Variants in XKR9 observed in about 807,000 individuals in gnomAD.
The protein encoded by XKR9 is XK-related protein 9.
A neutral mutation model predicts 32.0 loss-of-function variants in XKR9; 32 were observed. That is an observed-to-expected ratio of 1.00 (90% CI 0.76 to 1.34). XKR9 has a LOEUF of 1.34. Ranked by LOEUF, XKR9 falls within the 40% of genes most tolerant of loss-of-function variation. The pLI is 0.00. For missense variants in XKR9, 546 were observed against 429.7 expected (o/e 1.27, Z -2.39); for synonymous variants, 168 against 143.4 (o/e 1.17, Z -1.22).
chr8:70,713,592 A>G (rs1393116046), intron 4 of XKR9, among the ~76,000 whole-genome samples: 1 of 152,196 alleles, frequency 6.6e-6, no homozygotes, highest in Non-Finnish European at 1.5e-5. Context: ...TATATGGGTG[A>G]TTCTAAATGA....
chr8:70,851,782 T>G, the XKR9 span, among the ~76,000 whole-genome samples: 3 of 152,198 alleles, frequency 2.0e-5, no homozygotes, highest in East Asian at 1.9e-4. Flanking sequence ...AAAAATTAAC[T>G]GAAGATGGAT....
chr8:70,944,746 A>G, the XKR9 span, among the ~76,000 whole-genome samples: 1 of 152,212 alleles, frequency 6.6e-6, no homozygotes. Flanking sequence ...GAGGAAAGAG[A>G]TTAGCAAAGC....
the XKR9 span, among the ~76,000 whole-genome samples, chr8:71,034,996 T>C: frequency 1.3e-5 from 2 of 152,222 alleles, no homozygotes; most frequent in Non-Finnish European, 2.9e-5. Context: ...TGTAATGTAT[T>C]ATATTTTAAA....
the XKR9 span, among the ~76,000 whole-genome samples, chr8:70,825,950 T>G: frequency 6.6e-6 from 1 of 152,116 alleles, no homozygotes; most frequent in African/African-American, 2.4e-5. Flanking sequence ...CAATTTCCTC[T>G]TTGCATCATG....
In XKR9 at chr8:70,734,647, G is replaced by GC. The variant is rs936294374; in HGVS notation, c.*225dup. The GC allele has an allele frequency of 2.7e-6, 1 of 364,462 alleles. No homozygotes were observed. The highest frequency in any genetic ancestry group is 2.2e-5 in the African/African-American group (1 of 46,284). 22.6% of individuals were successfully genotyped at this position (364,462 alleles called of 1,614,324 possible). A position where few individuals can be genotyped will look rare whatever the true frequency, so the allele number is the denominator to read the frequency against. On this transcript the variant is annotated 3_prime_UTR_variant, in exon 5 of 5. Transcript: ENST00000408926. ...TATCTTTCTACTGCCTGGTAGAGCTGCCATCTTGAGCCTGAAATATAAGAA... is the reference window on the plus strand; with the variant it reads ...TATCTTTCTACTGCCTGGTAGAGCTGCCCATCTTGAGCCTGAAATATAAGAA...
At chr8:71,046,279 C>T in the XKR9 span, among the ~76,000 whole-genome samples, 2 of 152,224 alleles carry the variant, frequency 1.3e-5, no homozygotes, top group East Asian at 3.9e-4. Flanking sequence ...TCCCAACAGC[C>T]GATATGAGCC....
chr8:71,035,739 A>G, the XKR9 span, among the ~76,000 whole-genome samples: 1 of 152,180 alleles, frequency 6.6e-6, no homozygotes. Flanking sequence ...GCTACCCCAA[A>G]TATGGAACCT....
At chr8:70,847,444 A>G in the XKR9 span, among the ~76,000 whole-genome samples, 1 of 151,998 alleles carries the variant, frequency 6.6e-6, no homozygotes, top group Non-Finnish European at 1.5e-5. Context: ...GCAAGAACAA[A>G]CCAAATCCCA....
At chr8:70,946,963 T>C in the XKR9 span, among the ~76,000 whole-genome samples, 3 of 152,260 alleles carry the variant, frequency 2.0e-5, no homozygotes, top group South Asian at 6.2e-4. Context: ...AATTGGAAGC[T>C]CATAGGCTCT....
At chr8:71,005,738 CT>C in the XKR9 span, among the ~76,000 whole-genome samples, 1 of 152,128 alleles carries the variant, frequency 6.6e-6, no homozygotes, top group Non-Finnish European at 1.5e-5. Context: ...GGAATTGATC[CT>C]CATTGTATGA....
the XKR9 span, among the ~76,000 whole-genome samples, chr8:70,960,762 C>T: frequency 6.6e-6 from 1 of 151,638 alleles, no homozygotes; most frequent in African/African-American, 2.4e-5. Context: ...GTCCCATCTA[C>T]TTGGGAGGCT....
chr8:70,832,173 C>T, the XKR9 span, among the ~76,000 whole-genome samples: 1 of 152,152 alleles, frequency 6.6e-6, no homozygotes, highest in Non-Finnish European at 1.5e-5. Context: ...CTTCTGTGAG[C>T]TCATTCTTAT....
chr8:70,786,139 A>G (rs1408366941), intron 2 of XKR9, among the ~76,000 whole-genome samples: 1 of 152,142 alleles, frequency 6.6e-6, no homozygotes, highest in Non-Finnish European at 1.5e-5. Context: ...TGGAAAAACT[A>G]CTTGATATAA....
chr8:70,708,907 T>G (rs1261612828), intron 4 of XKR9, among the ~76,000 whole-genome samples: 1 of 151,894 alleles, frequency 6.6e-6, no homozygotes, highest in Non-Finnish European at 1.5e-5. Flanking sequence ...CAGAAACTAT[T>G]CCAAAAAATT....
the XKR9 span, among the ~76,000 whole-genome samples, chr8:70,856,158 C>A: frequency 6.6e-6 from 1 of 152,144 alleles, no homozygotes; most frequent in Non-Finnish European, 1.5e-5. Context: ...GGGCGAAATG[C>A]TCCAATTAAA....
the XKR9 span, among the ~76,000 whole-genome samples, chr8:71,060,493 T>G: frequency 6.6e-6 from 1 of 152,336 alleles, no homozygotes; most frequent in Non-Finnish European, 1.5e-5. Flanking sequence ...ACAAAACTGC[T>G]GAGCTATTGG....
chr8:70,813,256 C>T, the XKR9 span, among the ~76,000 whole-genome samples: 1 of 152,198 alleles, frequency 6.6e-6, no homozygotes, highest in African/African-American at 2.4e-5. Flanking sequence ...AAAGCTGAAA[C>T]TGGATCCCTT....
At chr8:70,982,627 A>G in the XKR9 span, among the ~76,000 whole-genome samples, 1 of 152,168 alleles carries the variant, frequency 6.6e-6, no homozygotes, top group Non-Finnish European at 1.5e-5. Context: ...CCTCGTTGAG[A>G]AAGCAAGCCG....
the XKR9 span, among the ~76,000 whole-genome samples, chr8:70,975,977 C>T: frequency 6.6e-6 from 1 of 152,074 alleles, no homozygotes; most frequent in Non-Finnish European, 1.5e-5. Context: ...AAGTTGGATT[C>T]CTAGGTATTT....
Sources: gnomAD v4.1 joint callset for allele counts (sites outside exome capture counted in the v4.1 genomes callset) on GRCh38, gnomAD v4.1.1 for gene constraint, MANE v1.5 for transcripts, NCBI Gene and HGNC (gene_info 2026-07-23, HGNC 2026-07-21) for gene names.